The following TSNAX variants were observed in gnomAD, a reference collection of about 807,000 sequenced individuals.
TSNAX encodes translin-associated protein X.
TSNAX carries 12 observed loss-of-function variants against 33.0 expected under a neutral mutation model. That is an observed-to-expected ratio of 0.36 (90% CI 0.23 to 0.59). TSNAX has a LOEUF of 0.59. TSNAX is among the 20% of genes least tolerant of loss of function. The probability of loss-of-function intolerance (pLI) is 0.74; values close to 1 mark genes in which losing one functional copy is unlikely to be tolerated. For synonymous variants in TSNAX, 110 were observed against 117.2 expected (o/e 0.94, Z 0.40); for missense variants, 267 against 341.3 (o/e 0.78, Z 1.72).
intron 4 of TSNAX, among the ~76,000 whole-genome samples, chr1:231,557,340 A>G (rs886588880): frequency 2.6e-5 from 4 of 152,196 alleles, no homozygotes; most frequent in Non-Finnish European, 2.9e-5. Context: ...TGATGCTGTC[A>G]AAGGAATCAA....
chr1:231,538,372 A>G (rs574505080), intron 3 of TSNAX, among the ~76,000 whole-genome samples: 1 of 152,340 alleles, frequency 6.6e-6, no homozygotes, highest in East Asian at 1.9e-4. Context: ...TTGACTAGTA[A>G]ACTGAGAAAA....
intron 4 of TSNAX, among the ~76,000 whole-genome samples, chr1:231,560,406 TCCC>T (rs869062590): frequency 3.1e-5 from 1 of 32,062 alleles, no homozygotes; most frequent in Admixed American, 4.6e-4. Flanking sequence ...TTTTCTTTTC[TCCC>T]CCCCCCCCCT....
rs145493559 is a variant in TSNAX at position 231,561,236 on chromosome 1, A to G, written c.476A>G (p.Asn159Ser). The G allele has an allele frequency of 4.6e-6, 7 of 1,538,068 alleles. No individual in the cohort carries two copies. The African/African-American group carries it at 5.6e-5, about 12-fold the overall frequency. The change falls in exon 5 of 6, where the codon AAT becomes AGT. Residue 159 changes from asparagine (N) to serine (S), a missense_variant. Transcript: ENST00000366639. ...CAATTGATATTTACGACTGAAGACA[A>G]TGGGAAAGAAAATAAAACTGTGAGA... ...NKQLIFTTED[N>S]GKENKTPSSD...
chr1:231,555,768 C>T (rs111660413), intron 4 of TSNAX, among the ~76,000 whole-genome samples: 5 of 152,120 alleles, frequency 3.3e-5, no homozygotes, highest in African/African-American at 1.2e-4. Flanking sequence ...TAAGAGTTTG[C>T]TCCTGCTCAA....
chr1:231,530,744 T>C (rs937689840), intron 2 of TSNAX, among the ~76,000 whole-genome samples: 2 of 145,492 alleles, frequency 1.4e-5, no homozygotes, highest in Non-Finnish European at 3.0e-5. Context: ...AAAAATTAGT[T>C]GGTCGTAGTG....
chr1:231,565,980 A>G lies in TSNAX; in HGVS notation c.*1075A>G, dbSNP rs1207527528. 1 of 152,038 alleles carries G rather than the reference A, an allele frequency of 6.6e-6. No individual in the cohort carries two copies. Among genetic ancestry groups the G allele is most frequent in the African/African-American group, 2.4e-5 (1 of 41,410 alleles). 9.4% of individuals were successfully genotyped at this position (152,038 alleles called of 1,614,324 possible). A position where few individuals can be genotyped will look rare whatever the true frequency, so the allele number is the denominator to read the frequency against. ...TTATATACTTGTACATACAATGGAAATGCTTTTAGTAGTGATTATTTAGCA... is the reference window on the plus strand; with the variant it reads ...TTATATACTTGTACATACAATGGAAGTGCTTTTAGTAGTGATTATTTAGCA... On this transcript the variant is annotated 3_prime_UTR_variant, in exon 6 of 6. Transcript: ENST00000366639.
At chr1:231,545,498 C>G (rs1270616160) in intron 4 of TSNAX, among the ~76,000 whole-genome samples, 1 of 151,666 alleles carries the variant, frequency 6.6e-6, no homozygotes, top group Non-Finnish European at 1.5e-5. Flanking sequence ...AACAAATGAA[C>G]AAATAATTAG....
At chr1:231,559,238 T>C (rs1321459162) in intron 4 of TSNAX, among the ~76,000 whole-genome samples, 3 of 152,188 alleles carry the variant, frequency 2.0e-5, no homozygotes, top group Non-Finnish European at 4.4e-5. Context: ...ACAATAATAA[T>C]TAAGAAATGC....
chr1:231,564,824 G>T lies in TSNAX; in HGVS notation c.792G>T (p.Gly264=). 2 of 1,614,062 alleles carry T rather than the reference G, an allele frequency of 1.2e-6. No homozygotes were observed. The highest frequency in any genetic ancestry group is 1.7e-6 in the Non-Finnish European group (2 of 1,180,008). ...ENACYALKVR[G]SEIPKHMLAD... is the part of the protein sequence containing the mutation. ...CTTGTTATGCCTTGAAAGTCAGAGG[G>T]TCAGAAATTCCAAAACATATGTTGG... Residue 264 remains glycine, a synonymous_variant, in exon 6 of 6, where the codon GGG becomes GGT. Coordinates refer to ENST00000366639, the MANE Select transcript of TSNAX (RefSeq NM_005999.3).
intron 1 of TSNAX, 48 bp from the exon 2 acceptor site, chr1:231,529,205 CAA>C: frequency 6.3e-7 from 1 of 1,588,562 alleles, no homozygotes; most frequent in Non-Finnish European, 8.6e-7. Context: ...TTGTGTTTTG[CAA>C]ACTCTTGGTG....
intron 1 of TSNAX, 102 bp downstream of exon 1, chr1:231,528,928 C>A: frequency 6.8e-7 from 1 of 1,470,604 alleles, no homozygotes; most frequent in Non-Finnish European, 9.5e-7. Context: ...ATGCCTTCGT[C>A]CCTTGTAGAC....
At chr1:231,553,699 T>TTC (rs397983193) in intron 4 of TSNAX, among the ~76,000 whole-genome samples, 116 of 151,134 alleles carry the variant, frequency 7.7e-4, no homozygotes, top group Middle Eastern at 3.4e-3. Flanking sequence ...TTTTTTTTTT[T>TTC]CTTTGAGATG....
chr1:231,560,751 A>T (rs138563727), intron 4 of TSNAX, among the ~76,000 whole-genome samples: 1,771 of 150,020 alleles, frequency 0.012, 26 homozygotes, highest in South Asian at 0.044. Flanking sequence ...AATTACTTAA[A>T]CTCTTAAAAA....
intron 4 of TSNAX, among the ~76,000 whole-genome samples, chr1:231,553,723 G>A (rs1310255134): frequency 2.8e-5 from 3 of 105,560 alleles, no homozygotes; most frequent in Non-Finnish European, 5.7e-5. Flanking sequence ...TTTTGCTCTT[G>A]TTGCCCAGGG....
At position 231,564,580 on chromosome 1, in the gene TSNAX, C is replaced by T; in HGVS notation, c.548C>T (p.Thr183Ile). ...TTTGGTACTTGGAGACTGAGAGTCACACCTGTCGATTACCTTCTGGGAGTG... is the reference window on the plus strand; with the variant it reads ...TTTGGTACTTGGAGACTGAGAGTCATACCTGTCGATTACCTTCTGGGAGTG... ...KQFGTWRLRV[T>I]PVDYLLGVAD... The change falls in exon 6 of 6, where the codon ACA (threonine) becomes ATA (isoleucine). Residue 183 changes from threonine to isoleucine, a missense_variant. Around this residue, in one of 2 missense-constraint regions of TSNAX, gnomAD observed 200 missense variants for 214.1 expected, o/e 0.93. Coordinates refer to ENST00000366639, the MANE Select transcript of TSNAX (RefSeq NM_005999.3). The T allele has an allele frequency of 6.2e-7, 1 of 1,614,098 alleles. No individual in the cohort carries two copies. The highest frequency in any genetic ancestry group is 1.1e-5 in the South Asian group (1 of 91,078).
chr1:231,547,778 C>T (rs1402527182), intron 4 of TSNAX, among the ~76,000 whole-genome samples: 1 of 151,734 alleles, frequency 6.6e-6, no homozygotes, highest in African/African-American at 2.4e-5. Context: ...AGAATAACAG[C>T]CCCTTTCAAT....
At chr1:231,529,943 T>G (rs1658555098) in intron 2 of TSNAX, among the ~76,000 whole-genome samples, 1 of 152,366 alleles carries the variant, frequency 6.6e-6, no homozygotes, top group South Asian at 2.1e-4. Context: ...GATTAAGGAA[T>G]CTGGGAAGGG....
intron 4 of TSNAX, among the ~76,000 whole-genome samples, chr1:231,557,629 G>C (rs1450682347): frequency 6.6e-6 from 1 of 152,136 alleles, no homozygotes; most frequent in Non-Finnish European, 1.5e-5. Flanking sequence ...GGATAGGACA[G>C]ATCTGAGTGT....
At chr1:231,555,606 A>C (rs975254047) in intron 4 of TSNAX, among the ~76,000 whole-genome samples, 5 of 152,238 alleles carry the variant, frequency 3.3e-5, no homozygotes, top group Non-Finnish European at 7.3e-5. Flanking sequence ...GAAAAAATAA[A>C]AATGAAACTG....
Sources: allele counts gnomAD v4.1 joint callset (sites outside exome capture counted in the v4.1 genomes callset), GRCh38; gene constraint gnomAD v4.1.1; regional missense constraint gnomAD v4.1.1; transcripts MANE v1.5; gene names NCBI Gene and HGNC (gene_info 2026-07-23, HGNC 2026-07-21).